Variants in FXR1 observed in about 807,000 individuals in gnomAD.
FXR1 encodes the protein RNA-binding protein FXR1.
FXR1 carries 15 observed loss-of-function variants against 84.0 expected under a neutral mutation model. The ratio of observed to expected loss-of-function variants is 0.18; its 90% CI spans 0.12 to 0.27. The LOEUF (loss-of-function observed/expected upper bound fraction) is 0.27, where lower values mean the gene tolerates loss of function less well. FXR1 is among the 10% of genes least tolerant of loss of function. FXR1 has a pLI of 1.00. For missense variants in FXR1, 480 were observed against 774.4 expected, an observed-to-expected ratio of 0.62 and a Z score of 4.51; for synonymous variants, 245 against 250.7, an observed-to-expected ratio of 0.98 and a Z score of 0.21.
chr3:180,971,801 A>G (rs933332505), intron 15 of FXR1: 2 of 152,614 alleles, frequency 1.3e-5, no homozygotes, highest in Non-Finnish European at 2.9e-5. Context: ...TGCTGTGTCT[A>G]TTATTTTGAA....
chr3:180,935,012 T>A (rs1720356381), intron 2 of FXR1, 126 bp from the exon 3 acceptor site: 1 of 547,660 alleles, frequency 1.8e-6, no homozygotes, highest in Admixed American at 3.5e-5. Flanking sequence ...AAATTATTAA[T>A]AGTATGAATG....
chr3:180,930,492 C>T (rs2072814237), intron 1 of FXR1, among the ~76,000 whole-genome samples: 1 of 152,086 alleles, frequency 6.6e-6, no homozygotes, highest in Non-Finnish European at 1.5e-5. Context: ...AACTAATCCA[C>T]TATGAATTAT....
chr3:180,959,116 C>T (rs1711739219), intron 10 of FXR1, among the ~76,000 whole-genome samples: 1 of 152,052 alleles, frequency 6.6e-6, no homozygotes, highest in African/African-American at 2.4e-5. Context: ...TTGACCATTT[C>T]TTAATTGAAA....
chr3:180,918,387 C>G (rs992033548), intron 1 of FXR1, among the ~76,000 whole-genome samples: 4 of 152,146 alleles, frequency 2.6e-5, no homozygotes, highest in Non-Finnish European at 5.9e-5. Context: ...ATACTCCCAT[C>G]TGGGCCTCCC....
chr3:180,962,137 C>T (rs1447707745), intron 11 of FXR1, among the ~76,000 whole-genome samples: 2 of 152,154 alleles, frequency 1.3e-5, no homozygotes, highest in African/African-American at 4.8e-5. Context: ...TCTACTCTTT[C>T]CCTTTTATTC....
At chr3:180,948,019 G>T in intron 4 of FXR1, 83 bp downstream of exon 4, 1 of 772,944 alleles carries the variant, frequency 1.3e-6, no homozygotes, top group Non-Finnish European at 2.2e-6. Flanking sequence ...TATTTCAACT[G>T]TTAGTTTTAT....
chr3:180,926,538 AAAG>A (rs1339233404), intron 1 of FXR1, among the ~76,000 whole-genome samples: 2 of 146,588 alleles, frequency 1.4e-5, no homozygotes, highest in African/African-American at 5.1e-5. Context: ...TGGCATTAAA[AAAG>A]AAAAAAGGCA....
chr3:180,930,003 C>T (rs572671789), intron 1 of FXR1, among the ~76,000 whole-genome samples: 62 of 152,242 alleles, frequency 4.1e-4, no homozygotes, highest in Non-Finnish European at 7.1e-4. Context: ...TGGTGGCTCA[C>T]GCCTGTAATC....
At chr3:180,967,605 G>T (rs1713002414) in intron 13 of FXR1, among the ~76,000 whole-genome samples, 1 of 149,550 alleles carries the variant, frequency 6.7e-6, no homozygotes. Context: ...AGGAATTAAT[G>T]TTCTGTATAT....
chr3:180,959,379 C>G (rs963575276), intron 10 of FXR1, among the ~76,000 whole-genome samples: 3 of 149,674 alleles, frequency 2.0e-5, no homozygotes, highest in African/African-American at 7.4e-5. Flanking sequence ...TTTTGATTAT[C>G]CTTAGAACAG....
intron 10 of FXR1, among the ~76,000 whole-genome samples, chr3:180,960,908 G>A (rs1712018113): frequency 6.6e-6 from 1 of 152,056 alleles, no homozygotes; most frequent in South Asian, 2.1e-4. Context: ...ACAGTAAATT[G>A]GGGTGCAAAT....
At chr3:180,969,936 A>G (rs188580260) in intron 14 of FXR1, among the ~76,000 whole-genome samples, 1 of 152,314 alleles carries the variant, frequency 6.6e-6, no homozygotes, top group East Asian at 1.9e-4. Flanking sequence ...ATGTCTGCTT[A>G]CTTTCTGCTT....
chr3:180,972,583 A>G (rs1713718306), intron 15 of FXR1, among the ~76,000 whole-genome samples: 1 of 152,222 alleles, frequency 6.6e-6, no homozygotes, highest in South Asian at 2.1e-4. Flanking sequence ...ATATATTACA[A>G]CATTTATTAA....
At chr3:180,938,314 C>CT (rs1284191757) in intron 3 of FXR1, among the ~76,000 whole-genome samples, 3 of 152,104 alleles carry the variant, frequency 2.0e-5, no homozygotes, top group African/African-American at 7.2e-5. Flanking sequence ...CTGGAGGTAT[C>CT]TTTTTCATAC....
At chr3:180,955,728 A>G in intron 9 of FXR1, among the ~76,000 whole-genome samples, 1 of 152,202 alleles carries the variant, frequency 6.6e-6, no homozygotes, top group East Asian at 1.9e-4. Context: ...CAAGTCTGTC[A>G]ATTATAAAAG....
At chr3:180,942,702 G>A (rs140609199) in intron 3 of FXR1, among the ~76,000 whole-genome samples, 151 of 152,266 alleles carry the variant, frequency 9.9e-4, no homozygotes, top group Non-Finnish European at 1.7e-3. Flanking sequence ...GTATGTTAGA[G>A]CAGTGTGTGG....
chr3:180,936,801 A>G (rs142934356), intron 3 of FXR1, among the ~76,000 whole-genome samples: 502 of 152,366 alleles, frequency 3.3e-3, no homozygotes, highest in African/African-American at 0.011. Context: ...AATAGTACAC[A>G]GTGAACTTAG....
At chr3:180,960,091 ATGTTTCTTTAAAG>A (rs1258442630) in intron 10 of FXR1, among the ~76,000 whole-genome samples, 1 of 152,186 alleles carries the variant, frequency 6.6e-6, no homozygotes, top group Non-Finnish European at 1.5e-5. Context: ...AGCTGGAAGT[ATGTTTCTTTAAAG>A]AAGAAAAATT....
Position 180,953,775 on chromosome 3 carries a change from TA to T in FXR1, c.821del (p.Lys274ArgfsTer23). 11 of 1,573,270 alleles carry T rather than the reference TA, an allele frequency of 7.0e-6. No individual in the cohort carries two copies. The highest frequency in any genetic ancestry group is 9.6e-6 in the Non-Finnish European group (11 of 1,143,624). On this transcript the variant is annotated frameshift_variant, in exon 9 of 17. Coordinates refer to ENST00000357559, the MANE Select transcript of FXR1 (RefSeq NM_005087.4). LOFTEE classifies it high-confidence loss of function. ...CCTCATCTACAGAGTGCTGATGCTG[TA>T]AAAAAGGCTAGAGGTTTCTTGGAAT... The part of the protein sequence containing the change: ...FRIYGESADA[V>X]KKARGFLEFV...
Sources: gnomAD v4.1 joint callset for allele counts (sites outside exome capture counted in the v4.1 genomes callset) on GRCh38, gnomAD v4.1.1 for gene constraint, MANE v1.5 for transcripts, NCBI Gene and HGNC (gene_info 2026-07-23, HGNC 2026-07-21) for gene names.